The following KIAA0319 variants were observed in gnomAD, a reference collection of about 807,000 sequenced individuals.
KIAA0319 encodes KIAA0319, also known as dyslexia-associated protein KIAA0319.
In KIAA0319, 83 loss-of-function variants were observed where a neutral mutation model predicts 108.4. The observed-to-expected ratio is 0.77, with a 90% CI of 0.64 to 0.92. The LOEUF is 0.92. Ranked by LOEUF, KIAA0319 falls within the 40% of genes least tolerant of loss-of-function variation. KIAA0319 has a pLI of 0.00. For missense variants in KIAA0319, 1,195 were observed against 1,322.4 expected (o/e 0.90, Z 1.49); for synonymous variants, 484 against 510.4 (o/e 0.95, Z 0.70).
intron 17 of KIAA0319, among the ~76,000 whole-genome samples, chr6:24,557,894 C>T (rs1581911356): frequency 6.6e-6 from 1 of 151,878 alleles, no homozygotes; most frequent in East Asian, 1.9e-4. Flanking sequence ...CTGTTCCTGG[C>T]TCATAATATG....
intron 7 of KIAA0319, among the ~76,000 whole-genome samples, chr6:24,580,318 C>CT (rs1447048828): frequency 6.8e-6 from 1 of 146,100 alleles, no homozygotes; most frequent in African/African-American, 2.6e-5. Context: ...AACTCCCCCC[C>CT]CCACCCCCCA....
At position 24,581,168 on chromosome 6, in the gene KIAA0319, C is replaced by T. The variant is rs546300153; in HGVS notation, c.1192-155G>A. ...TCATTTGGATCTGTCAAGAGGCTGC[C>T]GCATGTTTGAAGCCTGAATTCTGGA... On this transcript the variant is annotated intron_variant, in intron 6 of 20. Coordinates refer to ENST00000378214, the MANE Select transcript of KIAA0319 (RefSeq NM_014809.4). 7.2e-5 allele frequency among the ~76,000 whole-genome samples: 11 copies of T among 152,248 alleles called. No individual in the cohort carries two copies. In the East Asian group the frequency reaches 9.7e-4, roughly 13 times the overall value.
At chr6:24,594,654 A>C (rs890261350) in intron 3 of KIAA0319, among the ~76,000 whole-genome samples, 5 of 151,234 alleles carry the variant, frequency 3.3e-5, no homozygotes, top group East Asian at 1.9e-4. Context: ...AAAAAAAAAA[A>C]CACTTAAAAA....
chr6:24,555,555 G>C (rs1192909079), intron 18 of KIAA0319, among the ~76,000 whole-genome samples: 4 of 150,720 alleles, frequency 2.7e-5, no homozygotes, highest in Admixed American at 6.6e-5. Flanking sequence ...AATTTCATTG[G>C]AATAATGATC....
chr6:24,609,332 A>G (rs574768521), intron 1 of KIAA0319, among the ~76,000 whole-genome samples: 12 of 151,470 alleles, frequency 7.9e-5, no homozygotes, highest in African/African-American at 2.7e-4. Flanking sequence ...GAATCCCAGC[A>G]CTTTGGGAGC....
intron 4 of KIAA0319, among the ~76,000 whole-genome samples, chr6:24,587,021 C>T (rs1252338860): frequency 6.6e-6 from 1 of 152,176 alleles, no homozygotes; most frequent in Non-Finnish European, 1.5e-5. Context: ...CTGCAACTAT[C>T]ACCTCCACAC....
intron 3 of KIAA0319, among the ~76,000 whole-genome samples, chr6:24,595,671 C>A (rs780032931): frequency 3.3e-5 from 5 of 151,538 alleles, no homozygotes; most frequent in Non-Finnish European, 5.9e-5. Flanking sequence ...GGAGGCATAG[C>A]AAAGGAATGA....
At position 24,547,407 on chromosome 6, in the gene KIAA0319, TGTG is replaced by T. The variant is rs1190229425; in HGVS notation, c.3041-67_3041-65del. The stretch of plus-strand genomic sequence containing the variant: ...TGATTCACTTCCAGCTGTCAGTCGT[TGTG>T]GTTGCAGGTCCTGTGATGGGCACGG... On this transcript the variant is annotated intron_variant, in intron 20 of 20. Coordinates refer to ENST00000378214, the MANE Select transcript of KIAA0319 (RefSeq NM_014809.4). 3.7e-5 allele frequency: 54 copies of T among 1,458,354 alleles called. No individual in the cohort carries two copies. The South Asian group carries it at 5.7e-4, about 15-fold the overall frequency. The allele number at this position is 1,458,354 out of a possible 1,614,324, so 90.3% of individuals were successfully genotyped here. A position where few individuals can be genotyped will look rare whatever the true frequency, so the allele number is the denominator to read the frequency against.
Position 24,596,126 on chromosome 6 carries a change from G to A in KIAA0319, c.548C>T (p.Thr183Met), listed in dbSNP as rs150437529. ...KQEPRGSAEY[T>M]DWGLLPGSEG... ...GCTGCCCGGCAGTAGGCCCCAGTCC[G>A]TGTACTCGGCACTCCCTCTGGGCTC... Residue 183 changes from threonine (T) to methionine (M), a missense_variant, in exon 3 of 21, where the codon ACG becomes ATG. Coordinates refer to ENST00000378214, the MANE Select transcript of KIAA0319 (RefSeq NM_014809.4). 9 of 1,614,000 alleles carry A rather than the reference G, an allele frequency of 5.6e-6. No homozygotes were observed. The highest frequency in any genetic ancestry group is 1.7e-5 in the Admixed American group (1 of 60,020).
At chr6:24,551,326 A>C in intron 20 of KIAA0319, 108 bp downstream of exon 20, 1 of 762,982 alleles carries the variant, frequency 1.3e-6, no homozygotes, top group Non-Finnish European at 2.3e-6. Context: ...TTCCCAATTA[A>C]AGTGCTGACT....
At chr6:24,642,501 C>T (rs1777097724) in intron 1 of KIAA0319, among the ~76,000 whole-genome samples, 1 of 152,082 alleles carries the variant, frequency 6.6e-6, no homozygotes, top group South Asian at 2.1e-4. Flanking sequence ...CCATACTTCC[C>T]CATCATCACA....
Position 24,544,710 on chromosome 6 carries a change from G to C in KIAA0319, c.*2455C>G, listed in dbSNP as rs1049217765. The C allele has an allele frequency of 6.6e-6, 1 of 152,168 alleles. No individual in the cohort carries two copies. Among genetic ancestry groups the C allele is most frequent in the Non-Finnish European group, 1.5e-5 (1 of 68,042 alleles). The allele number at this position is 152,168 out of a possible 1,614,324, so 9.4% of individuals were successfully genotyped here. A position where few individuals can be genotyped will look rare whatever the true frequency, so the allele number is the denominator to read the frequency against. ...CAAACACCCACTCCCATATTCTAGGGCCTGTTTTTCTCTGTCCAGAGCTCT... is the reference window on the plus strand; with the variant it reads ...CAAACACCCACTCCCATATTCTAGGCCCTGTTTTTCTCTGTCCAGAGCTCT... On this transcript the variant is annotated 3_prime_UTR_variant, in exon 21 of 21. Transcript: ENST00000378214.
At chr6:24,630,000 G>A (rs914771673) in intron 1 of KIAA0319, among the ~76,000 whole-genome samples, 23 of 151,928 alleles carry the variant, frequency 1.5e-4, no homozygotes, top group African/African-American at 5.1e-4. Flanking sequence ...CCAACATGCC[G>A]AAACCCCATC....
At chr6:24,568,694 C>T in intron 13 of KIAA0319, 87 bp downstream of exon 13, 2 of 1,339,832 alleles carry the variant, frequency 1.5e-6, no homozygotes, top group Non-Finnish European at 2.0e-6. Flanking sequence ...CAAACACCAA[C>T]ATCTCTGAAT....
chr6:24,540,938 C>T (rs1000828220), downstream of KIAA0319, among the ~76,000 whole-genome samples: 2 of 144,276 alleles, frequency 1.4e-5, no homozygotes, highest in Non-Finnish European at 3.1e-5. Flanking sequence ...TATGTGCACT[C>T]ATTTGTATGT....
chr6:24,551,820 G>A (rs924633359), intron 19 of KIAA0319, among the ~76,000 whole-genome samples: 3 of 152,128 alleles, frequency 2.0e-5, no homozygotes, highest in Non-Finnish European at 4.4e-5. Flanking sequence ...GTTGGCCCAG[G>A]GAGCTCTTCT....
At chr6:24,551,376 G>A in intron 20 of KIAA0319, 58 bp downstream of exon 20, 1 of 1,191,518 alleles carries the variant, frequency 8.4e-7, no homozygotes, top group Admixed American at 1.7e-5. Context: ...TAGCCCTCAG[G>A]CCTACCTAGG....
At chr6:24,629,339 C>A (rs1351249363) in intron 1 of KIAA0319, among the ~76,000 whole-genome samples, 1 of 151,756 alleles carries the variant, frequency 6.6e-6, no homozygotes, top group Non-Finnish European at 1.5e-5. Flanking sequence ...CACGGTGAAA[C>A]CCCATCTCTA....
rs376451243 is a variant in KIAA0319 at position 24,580,926 on chromosome 6, C to G, written c.1279G>C (p.Ala427Pro). 1.5e-5 allele frequency: 24 copies of G among 1,603,518 alleles called. No individual in the cohort carries two copies. The South Asian group carries it at 2.1e-4, about 14-fold the overall frequency. ...AGGTCATTCTCTTACACCGGCTTAC[C>G]AGGCTTAACAGTGACATTGACAAAT... The part of the protein sequence containing the change: ...EGFVNVTVKP[A>P]RRVNLPPVAV... Residue 427 changes from alanine (A) to proline (P), a missense_variant and splice_region_variant, in exon 7 of 21, where the codon GCC becomes CCC. Coordinates refer to ENST00000378214, the MANE Select transcript of KIAA0319 (RefSeq NM_014809.4).
Sources: gnomAD v4.1 joint callset for allele counts (sites outside exome capture counted in the v4.1 genomes callset) on GRCh38, gnomAD v4.1.1 for gene constraint, MANE v1.5 for transcripts, NCBI Gene and HGNC (gene_info 2026-07-23, HGNC 2026-07-21) for gene names.